CCDC74B: variants seen among roughly 807,000 people sequenced by gnomAD.
CCDC74B encodes the protein coiled-coil domain containing 74B.
In CCDC74B, 34 loss-of-function variants were observed where a neutral mutation model predicts 38.0. The observed-to-expected ratio is 0.89, with a 90% CI of 0.68 to 1.19. The LOEUF is 1.19. CCDC74B is among the 50% of genes most tolerant of loss of function. The probability of loss-of-function intolerance (pLI) is 0.00; values close to 1 mark genes in which losing one functional copy is unlikely to be tolerated. For synonymous variants in CCDC74B, 132 were observed against 170.4 expected (o/e 0.77, Z 1.76); for missense variants, 358 against 406.0 (o/e 0.88, Z 1.02).
At chr2:130,140,855 A>T in intron 4 of CCDC74B, 1 of 231,114 alleles carries the variant, frequency 4.3e-6, no homozygotes, top group Non-Finnish European at 7.5e-6. Flanking sequence ...CTTGGTCAGA[A>T]TATTACTTTA....
In CCDC74B at chr2:130,139,437, T is replaced by C; in HGVS notation, c.*118A>G. 8.0e-7 allele frequency: 1 copy of C among 1,253,034 alleles called. No homozygotes were observed. Among genetic ancestry groups the C allele is most frequent in the African/African-American group, 1.5e-5 (1 of 65,868 alleles). 77.6% of individuals were successfully genotyped at this position (1,253,034 alleles called of 1,614,324 possible). A position where few individuals can be genotyped will look rare whatever the true frequency, so the allele number is the denominator to read the frequency against. On this transcript the variant is annotated 3_prime_UTR_variant, in exon 8 of 8. Transcript: ENST00000409943. The stretch of plus-strand genomic sequence containing the variant: ...GATCAAGTACTTTATCTATCTTGAG[T>C]GTTATCTATCTTGGAATTTAGCCAG...
At chr2:130,142,440 C>T (rs1221588157) in intron 2 of CCDC74B, 4 of 1,613,352 alleles carry the variant, frequency 2.5e-6, no homozygotes, top group Non-Finnish European at 3.4e-6. Context: ...AGAGCATGGC[C>T]TCTTCCCGTG....
chr2:130,143,410 A>T lies in CCDC74B; in HGVS notation c.251-97T>A. 6 of 1,513,278 alleles carry T rather than the reference A, an allele frequency of 4.0e-6. No homozygotes were observed. In the Admixed American group the frequency reaches 1.0e-4, roughly 25 times the overall value. 93.7% of individuals were successfully genotyped at this position (1,513,278 alleles called of 1,614,324 possible). On this transcript the variant is annotated intron_variant, in intron 1 of 7. Transcript: ENST00000409943. ...TCCTCTCCTGGCTGCTGAGCCCGAA[A>T]GTCCTGCCCCCCCACTGGCTGATTG...
At chr2:130,141,869 C>T (rs1406375755) in intron 3 of CCDC74B, 14 of 763,212 alleles carry the variant, frequency 1.8e-5, no homozygotes, top group Non-Finnish European at 2.8e-5. Flanking sequence ...CCGGGGAGGC[C>T]CCTCCTGCCT....
chr2:130,144,364 C>T, intron 1 of CCDC74B: 2 of 892,680 alleles, frequency 2.2e-6, no homozygotes, highest in South Asian at 1.4e-5. Flanking sequence ...TGGTCTCGAT[C>T]TCCTGACCTC....
At chr2:130,143,449 G>C in intron 1 of CCDC74B, 136 bp from the exon 2 acceptor site, 1 of 1,152,272 alleles carries the variant, frequency 8.7e-7, no homozygotes, top group Non-Finnish European at 1.3e-6. Context: ...CCTGCCCCAT[G>C]GATCCCGCTC....
chr2:130,139,368 A>G lies in CCDC74B; in HGVS notation c.*187T>C. On this transcript the variant is annotated 3_prime_UTR_variant, in exon 8 of 8. Transcript: ENST00000409943. ...TCGTGTGCTTTTATGTAAATGCCAA[A>G]TAGCAAAATAACAGCTAGAAAATAA... 1.4e-6 allele frequency: 1 copy of G among 719,164 alleles called. No individual in the cohort carries two copies. Among genetic ancestry groups the G allele is most frequent in the Non-Finnish European group, 2.3e-6 (1 of 443,720 alleles). The allele number at this position is 719,164 out of a possible 1,614,324, so 44.5% of individuals were successfully genotyped here. A position where few individuals can be genotyped will look rare whatever the true frequency, so the allele number is the denominator to read the frequency against.
At chr2:130,141,795 G>T (rs1180375633) in intron 3 of CCDC74B, 2 of 465,498 alleles carry the variant, frequency 4.3e-6, no homozygotes, top group East Asian at 8.1e-5. Context: ...CCTGCTTGTG[G>T]CGGGGACACG....
At chr2:130,144,246 TCTC>T (rs1230418175) in intron 1 of CCDC74B, 7 of 380,160 alleles carry the variant, frequency 1.8e-5, no homozygotes, top group Non-Finnish European at 1.0e-5. Flanking sequence ...TTCACGCCAT[TCTC>T]CTGCCTCAGC....
chr2:130,142,848 G>A (rs771798120), intron 2 of CCDC74B: 10 of 1,550,222 alleles, frequency 6.5e-6, no homozygotes, highest in Non-Finnish European at 8.7e-6. Context: ...CCTGGATGGA[G>A]TGTGTCCAGA....
intron 3 of CCDC74B, 177 bp downstream of exon 3, chr2:130,141,956 C>A (rs1482205536): frequency 1.5e-5 from 11 of 741,630 alleles, no homozygotes; most frequent in South Asian, 1.4e-4. Flanking sequence ...GCCCACCCCC[C>A]CTTAATCCCC....
chr2:130,144,477 G>A, intron 1 of CCDC74B: 2 of 1,476,546 alleles, frequency 1.4e-6, no homozygotes, highest in Non-Finnish European at 9.3e-7. Flanking sequence ...GTCTGACCCT[G>A]CTTGGAGAGG....
Position 130,141,799 on chromosome 2 carries a change from G to C in CCDC74B, c.346+334C>G, listed in dbSNP as rs1481796943. Reference sequence around the variant, plus strand: ...CCTGTGTCCTGCCTGCTTGTGGCGGGGACACGGCCAAGCAGGGCTGCTGCT... The same window carrying C: ...CCTGTGTCCTGCCTGCTTGTGGCGGCGACACGGCCAAGCAGGGCTGCTGCT... On this transcript the variant is annotated intron_variant, in intron 3 of 7. Transcript: ENST00000409943. 1.2e-5 allele frequency: 6 copies of C among 487,018 alleles called. No individual in the cohort carries two copies. The East Asian group carries it at 2.4e-4, about 19-fold the overall frequency. The allele number at this position is 487,018 out of a possible 1,614,324, so 30.2% of individuals were successfully genotyped here. A position where few individuals can be genotyped will look rare whatever the true frequency, so the allele number is the denominator to read the frequency against.
intron 1 of CCDC74B, among the ~76,000 whole-genome samples, chr2:130,143,711 TCAA>T (rs1219429874): frequency 2.6e-5 from 4 of 151,864 alleles, no homozygotes; most frequent in Non-Finnish European, 5.9e-5. Context: ...GTCCTGAGGC[TCAA>T]GAAGACATGG....
At chr2:130,144,183 A>C (rs1685872489) in intron 1 of CCDC74B, among the ~76,000 whole-genome samples, 1 of 152,154 alleles carries the variant, frequency 6.6e-6, no homozygotes. Flanking sequence ...TCTGTCACCG[A>C]GGCTGGAGTG....
intron 1 of CCDC74B, 166 bp downstream of exon 1, chr2:130,144,581 T>A (rs1352208255): frequency 6.5e-7 from 1 of 1,549,888 alleles, no homozygotes; most frequent in South Asian, 1.2e-5. Flanking sequence ...GGTCTCCCTC[T>A]GGGAGGAGGG....
At chr2:130,142,409 TG>T (rs1439063850) in intron 2 of CCDC74B, 1 of 1,613,384 alleles carries the variant, frequency 6.2e-7, no homozygotes, top group Non-Finnish European at 8.5e-7. Context: ...TTGGGACACA[TG>T]GAACAGCAGG....
In CCDC74B at chr2:130,139,632, G is replaced by T; in HGVS notation, c.868C>A (p.Pro290Thr). The change falls in exon 8 of 8, where the codon CCG becomes ACG. Residue 290 changes from proline (P) to threonine (T), a missense_variant. By Grantham distance (38) the Pro-to-Thr change is conservative. Coordinates refer to ENST00000409943, the MANE Select transcript of CCDC74B (RefSeq NM_001258307.2). ...RAILPALKQT[P>T]KNNFAERQKR... ...TGCCTCTCGGCAAAGTTGTTCTTCGGGGTCTGCTTCAGTGCGGGCAGGATG... is the reference window on the plus strand; with the variant it reads ...TGCCTCTCGGCAAAGTTGTTCTTCGTGGTCTGCTTCAGTGCGGGCAGGATG... 1 of 1,613,436 alleles carries T rather than the reference G, an allele frequency of 6.2e-7. No individual in the cohort carries two copies.
At position 130,142,137 on chromosome 2, in the gene CCDC74B, A is replaced by G. The variant is rs983608342; in HGVS notation, c.342T>C (p.Asn114=). ...SSFQSVKSIS[N]SGKARPQPGS... is the part of the protein sequence containing the mutation. ...CATGGACGCCAGCCTGCTCACCTGAATTAGAGATGGACTTGACAGACTGGA... is the reference window on the plus strand; with the variant it reads ...CATGGACGCCAGCCTGCTCACCTGAGTTAGAGATGGACTTGACAGACTGGA... Residue 114 remains asparagine (N), a synonymous_variant, in exon 3 of 8, where the codon AAT becomes AAC. Coordinates refer to ENST00000409943, the MANE Select transcript of CCDC74B (RefSeq NM_001258307.2). The G allele has an allele frequency of 6.2e-7, 1 of 1,613,416 alleles. No individual in the cohort carries two copies. The highest frequency in any genetic ancestry group is 1.3e-5 in the African/African-American group (1 of 74,930).
Sources: gnomAD v4.1 joint callset for allele counts (sites outside exome capture counted in the v4.1 genomes callset) on GRCh38, gnomAD v4.1.1 for gene constraint, MANE v1.5 for transcripts, NCBI Gene and HGNC (gene_info 2026-07-23, HGNC 2026-07-21) for gene names.